TBC1D23: variants seen among roughly 807,000 people sequenced by gnomAD.
TBC1D23 encodes the protein TBC1 domain family member 23.
Under a neutral mutation model 91.4 loss-of-function variants are expected in TBC1D23, and 55 were observed. That is an observed-to-expected ratio of 0.60 (90% CI 0.48 to 0.75). The LOEUF is 0.75. TBC1D23 is among the 30% of genes least tolerant of loss of function. TBC1D23 has a pLI of 0.00. For missense variants in TBC1D23, 725 were observed against 836.1 expected, an observed-to-expected ratio of 0.87 and a Z score of 1.64; for synonymous variants, 289 against 281.0, an observed-to-expected ratio of 1.03 and a Z score of -0.28.
intron 1 of TBC1D23, among the ~76,000 whole-genome samples, chr3:100,278,239 T>TC (rs1368039578): frequency 6.6e-6 from 1 of 152,242 alleles, no homozygotes; most frequent in Non-Finnish European, 1.5e-5. Flanking sequence ...CCTAGTGAGA[T>TC]CATCTGCCTT....
chr3:100,274,216 G>A (rs1576159821), intron 1 of TBC1D23, among the ~76,000 whole-genome samples: 3 of 152,234 alleles, frequency 2.0e-5, no homozygotes, highest in South Asian at 4.1e-4. Flanking sequence ...GAATTATGTA[G>A]CCAAGCATTG....
Position 100,263,767 on chromosome 3 carries a change from G to A in TBC1D23, c.53+2696G>A, listed in dbSNP as rs2951452. 1.4e-3 allele frequency among the ~76,000 whole-genome samples: 220 copies of A among 152,292 alleles called. 1 individual carries two copies. Among genetic ancestry groups the A allele is most frequent in the Non-Finnish European group, 2.8e-3 (192 of 68,020 alleles). ...ATAAACTGGCGGTAACCAGCTCATA[G>A]AGTGCCATGAGGGGAAATGTTTCCA... On this transcript the variant is annotated intron_variant, in intron 1 of 18. Coordinates refer to ENST00000394144, the MANE Select transcript of TBC1D23 (RefSeq NM_001199198.3).
chr3:100,279,867 C>A, intron 2 of TBC1D23, 107 bp downstream of exon 2: 1 of 603,476 alleles, frequency 1.7e-6, no homozygotes, highest in Non-Finnish European at 3.0e-6. Flanking sequence ...ACCTTATGAG[C>A]ATGCCGCATC....
chr3:100,311,870 A>G lies in TBC1D23; in HGVS notation c.1591A>G (p.Thr531Ala), dbSNP rs558038171. Residue 531 changes from threonine (T) to alanine (A), a missense_variant, in exon 15 of 19, where the codon ACA (threonine) becomes GCA (alanine). Coordinates refer to ENST00000394144, the MANE Select transcript of TBC1D23 (RefSeq NM_001199198.3). ...TCTTCCTTGGCCAGACAGATCATGT[A>G]CAGAGCGGTAAGCCAATGAGTAGAG... ...FNLPWPDRSC[T>A]ERHVSSSDRV... is the part of the protein sequence containing the mutation. The G allele has an allele frequency of 1.3e-5, 20 of 1,534,478 alleles. No individual in the cohort carries two copies. The East Asian group carries it at 4.4e-4, about 34-fold the overall frequency.
intron 5 of TBC1D23, among the ~76,000 whole-genome samples, chr3:100,294,778 A>C (rs1210136642): frequency 2.0e-5 from 3 of 152,190 alleles, no homozygotes; most frequent in Non-Finnish European, 2.9e-5. Context: ...GATATGTGCT[A>C]GTTACTTTAG....
chr3:100,287,174 T>C (rs928254213), intron 4 of TBC1D23, among the ~76,000 whole-genome samples: 3 of 151,076 alleles, frequency 2.0e-5, no homozygotes, highest in African/African-American at 4.9e-5. Context: ...GTGGAGTTGC[T>C]TGATCTCGGC....
At chr3:100,269,025 T>G (rs948226937) in intron 1 of TBC1D23, among the ~76,000 whole-genome samples, 17 of 152,226 alleles carry the variant, frequency 1.1e-4, no homozygotes, top group South Asian at 1.0e-3. Context: ...TTGGTACCAT[T>G]GGTGTAATTT....
At chr3:100,270,957 C>T (rs577341491) in intron 1 of TBC1D23, among the ~76,000 whole-genome samples, 1 of 152,018 alleles carries the variant, frequency 6.6e-6, no homozygotes, top group South Asian at 2.1e-4. Context: ...CCTACTTGGT[C>T]CTTTAAAAAC....
intron 13 of TBC1D23, 108 bp from the exon 14 acceptor site, chr3:100,310,295 A>T: frequency 1.0e-6 from 1 of 974,494 alleles, no homozygotes; most frequent in South Asian, 1.6e-5. Flanking sequence ...ACTTCAACAT[A>T]TGATTTTGGT....
intron 1 of TBC1D23, among the ~76,000 whole-genome samples, chr3:100,265,727 C>G (rs1385417741): frequency 6.6e-6 from 1 of 152,068 alleles, no homozygotes; most frequent in Admixed American, 6.5e-5. Context: ...ACTTAATATT[C>G]AACTTTTAAT....
At chr3:100,268,829 A>T (rs2067578135) in intron 1 of TBC1D23, among the ~76,000 whole-genome samples, 1 of 152,240 alleles carries the variant, frequency 6.6e-6, no homozygotes, top group Admixed American at 6.5e-5. Flanking sequence ...ATGAAAGAAG[A>T]AAGGATTTAG....
chr3:100,292,325 A>G (rs2067799427), intron 5 of TBC1D23, among the ~76,000 whole-genome samples: 1 of 152,152 alleles, frequency 6.6e-6, no homozygotes, highest in African/African-American at 2.4e-5. Flanking sequence ...CTATATGTTC[A>G]TATCCTTTTA....
In TBC1D23 at chr3:100,301,224, GATC is replaced by G. The variant is rs759959377; in HGVS notation, c.1093-842_1093-840del. On this transcript the variant is annotated intron_variant, in intron 10 of 18. Coordinates refer to ENST00000394144, the MANE Select transcript of TBC1D23 (RefSeq NM_001199198.3). The stretch of plus-strand genomic sequence containing the variant: ...GGAGGCGGAGGTTGCGGTGAGCCGA[GATC>G]GCACCAGTGCACTCCAGCCTGGGTG... Among the ~76,000 whole-genome samples, 697 of 141,406 alleles carry G rather than the reference GATC, an allele frequency of 4.9e-3. 2 individuals carry two copies. The highest frequency in any genetic ancestry group is 6.4e-3 in the South Asian group (29 of 4,560). 92.8% of individuals were successfully genotyped at this position (141,406 alleles called of 152,430 possible).
intron 5 of TBC1D23, among the ~76,000 whole-genome samples, chr3:100,294,829 T>C (rs1170888854): frequency 6.6e-6 from 1 of 152,208 alleles, no homozygotes. Flanking sequence ...GGTAGCATTA[T>C]TCCTCTTTTT....
chr3:100,272,915 A>G (rs564466836), intron 1 of TBC1D23, among the ~76,000 whole-genome samples: 3 of 152,342 alleles, frequency 2.0e-5, no homozygotes, highest in African/African-American at 7.2e-5. Context: ...GATGGAACAT[A>G]CAATCGGTTT....
chr3:100,299,686 T>G (rs915016425), intron 10 of TBC1D23, among the ~76,000 whole-genome samples: 2 of 152,188 alleles, frequency 1.3e-5, no homozygotes, highest in Admixed American at 6.5e-5. Context: ...ATTTTTTGTA[T>G]TTTTAGTAGA....
At chr3:100,274,664 G>A (rs755354839) in intron 1 of TBC1D23, among the ~76,000 whole-genome samples, 11 of 151,104 alleles carry the variant, frequency 7.3e-5, no homozygotes, top group Non-Finnish European at 1.5e-4. Flanking sequence ...TTTTTGGGAC[G>A]GATTTATTTC....
chr3:100,295,407 C>T, intron 7 of TBC1D23, 59 bp downstream of exon 7: 1 of 1,381,870 alleles, frequency 7.2e-7, no homozygotes, highest in Non-Finnish European at 9.9e-7. Context: ...GTAAGTTACT[C>T]AGTTTCCTCA....
At chr3:100,286,750 C>A (rs1320051210) in intron 4 of TBC1D23, among the ~76,000 whole-genome samples, 2 of 152,148 alleles carry the variant, frequency 1.3e-5, no homozygotes, top group African/African-American at 2.4e-5. Flanking sequence ...CCCAACTCGA[C>A]CTCCCAAAGT....
Sources: gnomAD v4.1 joint callset for allele counts (sites outside exome capture counted in the v4.1 genomes callset) on GRCh38, gnomAD v4.1.1 for gene constraint, MANE v1.5 for transcripts, NCBI Gene and HGNC (gene_info 2026-07-23, HGNC 2026-07-21) for gene names.